The following PCDHA6 variants were observed in gnomAD, a reference collection of about 807,000 sequenced individuals.
PCDHA6 encodes the protein protocadherin alpha 6.
Under a neutral mutation model 60.3 loss-of-function variants are expected in PCDHA6, and 55 were observed. The ratio of observed to expected loss-of-function variants is 0.91; its 90% CI spans 0.73 to 1.14. The LOEUF is 1.14. Among genes scored for constraint, PCDHA6 ranks in the 50% most tolerant of loss-of-function variants. The pLI is 0.00. For missense variants in PCDHA6, 1,327 were observed against 1,256.5 expected (o/e 1.06, Z -0.85); for synonymous variants, 652 against 557.9 (o/e 1.17, Z -2.38).
At chr5:140,858,338 A>G (rs1323713253) in intron 1 of PCDHA6, 2 of 1,595,638 alleles carry the variant, frequency 1.3e-6, no homozygotes, top group African/African-American at 2.7e-5. Context: ...GGGCCTGCCC[A>G]AGGCGGACCT....
At chr5:140,921,868 T>C (rs1037750056) in intron 1 of PCDHA6, among the ~76,000 whole-genome samples, 1 of 152,016 alleles carries the variant, frequency 6.6e-6, no homozygotes, top group Non-Finnish European at 1.5e-5. Context: ...ATATATACAG[T>C]ATATATATAA....
chr5:140,875,208 C>G (rs1297860404), intron 1 of PCDHA6: 2 of 668,428 alleles, frequency 3.0e-6, no homozygotes, highest in East Asian at 6.8e-5. Flanking sequence ...GTGGCTAAAC[C>G]GAAAAGAACC....
intron 1 of PCDHA6, chr5:140,848,451 T>A (rs1450153960): frequency 1.3e-6 from 2 of 1,519,288 alleles, no homozygotes; most frequent in Non-Finnish European, 1.8e-6. Context: ...TTTCTTCTAA[T>A]TTGGAGGCAA....
At position 140,967,211 on chromosome 5, in the gene PCDHA6, C is replaced by T. The variant is rs549238768; in HGVS notation, c.2395-11738C>T. On this transcript the variant is annotated intron_variant, in intron 1 of 3. Transcript: ENST00000529310. ...CATCAACGACAACTCACCGCGTTTC[C>T]CGCGGCCCAACTACCAGCTTCAGGT... 1.1e-5 allele frequency: 18 copies of T among 1,613,676 alleles called. No individual in the cohort carries two copies. The East Asian group carries it at 3.3e-4, about 30-fold the overall frequency.
rs138671187 is a variant in PCDHA6, at chr5:140,836,499, G to A, written c.2394+6014G>A. 28 of 1,613,758 alleles carry A rather than the reference G, an allele frequency of 1.7e-5. No individual in the cohort carries two copies. In the African/African-American group the frequency reaches 2.8e-4, roughly 16 times the overall value. ...CGTGTACCTGATCATCGCCATCTGC[G>A]CGGTGTCCAGTCTGTTGGTGCTTAC... On this transcript the variant is annotated intron_variant, in intron 1 of 3. Transcript: ENST00000529310.
At chr5:140,973,398 C>G (rs2096585734) in intron 1 of PCDHA6, among the ~76,000 whole-genome samples, 1 of 152,230 alleles carries the variant, frequency 6.6e-6, no homozygotes, top group East Asian at 1.9e-4. Flanking sequence ...GAAATCATAT[C>G]TATGAGCTTC....
chr5:141,007,107 A>G (rs1162403610), intron 3 of PCDHA6, among the ~76,000 whole-genome samples: 1 of 152,190 alleles, frequency 6.6e-6, no homozygotes, highest in Non-Finnish European at 1.5e-5. Context: ...GCCAAACCCA[A>G]GGAAGCTTCA....
Position 140,870,311 on chromosome 5 carries a change from A to C in PCDHA6, c.2394+39826A>C, listed in dbSNP as rs143855054. The C allele has an allele frequency of 1.9e-6, 3 of 1,614,154 alleles. No homozygotes were observed. In the African/African-American group the frequency reaches 4.0e-5, roughly 22 times the overall value. On this transcript the variant is annotated intron_variant, in intron 1 of 3. Transcript: ENST00000529310. ...AAGCTGGTGTCCACCTTCAAGAATT[A>C]CTACTCGTTGGTGCTGGACAGCGCC...
chr5:140,848,279 C>A, intron 1 of PCDHA6: 1 of 591,730 alleles, frequency 1.7e-6, no homozygotes, highest in Admixed American at 3.0e-5. Flanking sequence ...GAAATATGTA[C>A]TTACACTTTG....
intron 1 of PCDHA6, among the ~76,000 whole-genome samples, chr5:140,972,711 T>A (rs2096551404): frequency 6.7e-6 from 1 of 148,680 alleles, no homozygotes; most frequent in Non-Finnish European, 1.5e-5. Context: ...GTTGCCAGGC[T>A]GGAGTGCAGT....
intron 1 of PCDHA6, chr5:140,851,186 T>C (rs2041985954): frequency 8.1e-7 from 1 of 1,234,476 alleles, no homozygotes; most frequent in Non-Finnish European, 1.0e-6. Context: ...TGAAAACCAA[T>C]TTAGTTGTTA....
intron 1 of PCDHA6, among the ~76,000 whole-genome samples, chr5:140,900,485 C>T (rs577392455): frequency 6.6e-5 from 10 of 152,310 alleles, no homozygotes; most frequent in African/African-American, 2.2e-4. Flanking sequence ...CCATGTTGGT[C>T]AGACTGGTCT....
intron 1 of PCDHA6, among the ~76,000 whole-genome samples, chr5:140,905,747 C>T (rs2072054792): frequency 2.0e-5 from 3 of 152,156 alleles, no homozygotes; most frequent in South Asian, 2.1e-4. Context: ...AGAGATCTTT[C>T]ACCTCCTTGG....
intron 2 of PCDHA6, among the ~76,000 whole-genome samples, chr5:140,980,164 G>A (rs187011465): frequency 1.6e-3 from 238 of 152,226 alleles, no homozygotes; most frequent in Middle Eastern, 6.8e-3. Context: ...AGAATATTAG[G>A]TATCAGAAGA....
At chr5:140,868,898 T>C (rs2050724806) in intron 1 of PCDHA6, 1 of 800,434 alleles carries the variant, frequency 1.2e-6, no homozygotes, top group African/African-American at 1.7e-5. Flanking sequence ...GCGCAAGGTG[T>C]CGCTCTTTAC....
At chr5:140,962,772 T>C (rs1039768584) in intron 1 of PCDHA6, among the ~76,000 whole-genome samples, 2 of 152,336 alleles carry the variant, frequency 1.3e-5, no homozygotes, top group Admixed American at 1.3e-4. Context: ...TTTAACAAGA[T>C]GGAATTTTTA....
rs1554181343 is a variant in PCDHA6, at chr5:140,884,223, A to G, written c.2394+53738A>G. ...CACCACCGCCTTCTGGTGCTGGTGAAGGACCACGGTGAGCCCGCGCTGACG... is the reference window on the plus strand; with the variant it reads ...CACCACCGCCTTCTGGTGCTGGTGAGGGACCACGGTGAGCCCGCGCTGACG... On this transcript the variant is annotated intron_variant, in intron 1 of 3. Coordinates refer to ENST00000529310, the MANE Select transcript of PCDHA6 (RefSeq NM_018909.4). 1.1e-5 allele frequency: 17 copies of G among 1,613,364 alleles called. No homozygotes were observed. The highest frequency in any genetic ancestry group is 1.7e-5 in the Admixed American group (1 of 59,998).
At chr5:140,841,517 G>T (rs2150317250) in intron 1 of PCDHA6, 29 of 1,613,422 alleles carry the variant, frequency 1.8e-5, no homozygotes, top group Non-Finnish European at 2.3e-5. Flanking sequence ...CCTGTTCCGG[G>T]TGGCGTCCAA....
chr5:140,944,838 A>C (rs996510272), intron 1 of PCDHA6, among the ~76,000 whole-genome samples: 13 of 152,212 alleles, frequency 8.5e-5, no homozygotes, highest in Non-Finnish European at 1.6e-4. Flanking sequence ...TTGTAAAATG[A>C]GATATTAGAA....
Sources: gnomAD v4.1 joint callset for allele counts (sites outside exome capture counted in the v4.1 genomes callset) on GRCh38, gnomAD v4.1.1 for gene constraint, MANE v1.5 for transcripts, NCBI Gene and HGNC (gene_info 2026-07-23, HGNC 2026-07-21) for gene names.